The following KCNK3 variants were observed in gnomAD, a reference collection of about 807,000 sequenced individuals.
The protein encoded by KCNK3 is potassium two pore domain channel subfamily K member 3.
Under a neutral mutation model 27.3 loss-of-function variants are expected in KCNK3, and 9 were observed. The observed-to-expected ratio is 0.33, with a 90% confidence interval of 0.20 to 0.57. The LOEUF is 0.57. Among genes scored for constraint, KCNK3 ranks in the 20% least tolerant of loss-of-function variants. The probability of loss-of-function intolerance (pLI) is 0.87; values close to 1 mark genes in which losing one functional copy is unlikely to be tolerated. For synonymous variants in KCNK3, 278 were observed against 273.8 expected (o/e 1.02, Z -0.15); for missense variants, 391 against 577.7 (o/e 0.68, Z 3.31).
chr2:26,706,738 T>A (rs558573563), intron 1 of KCNK3, among the ~76,000 whole-genome samples: 1 of 152,150 alleles, frequency 6.6e-6, no homozygotes, highest in Non-Finnish European at 1.5e-5. Flanking sequence ...TGCTGTCCCC[T>A]GCCTGCTTCC....
At position 26,693,225 on chromosome 2, in the gene KCNK3, GC is replaced by G. The variant is rs1670192414; in HGVS notation, c.283+69del. ...CGCGGGGCTCCGGGAGTCGTCCGGG[GC>G]CGGCTGGGGCTGGGGGCGGGGGCTC... is the stretch of plus-strand genomic sequence containing the variant. On this transcript the variant is annotated intron_variant, in intron 1 of 1. Transcript: ENST00000302909. This position sits in a 1 kb window ranked among gnomAD's most constrained non-coding sequence, Gnocchi z 5.5. 9.8e-7 allele frequency: 1 copy of G among 1,021,522 alleles called. No homozygotes were observed. The highest frequency in any genetic ancestry group is 1.7e-5 in the African/African-American group (1 of 57,916). The allele number at this position is 1,021,522 out of a possible 1,614,324, so 63.3% of individuals were successfully genotyped here.
At chr2:26,706,910 G>T (rs1011425827) in intron 1 of KCNK3, among the ~76,000 whole-genome samples, 1 of 152,138 alleles carries the variant, frequency 6.6e-6, no homozygotes, top group Non-Finnish European at 1.5e-5. Context: ...CCCTGGCCTT[G>T]TCTGTGAGGG....
intron 1 of KCNK3, among the ~76,000 whole-genome samples, chr2:26,726,798 TA>T (rs1427294716): frequency 6.6e-6 from 1 of 151,336 alleles, no homozygotes; most frequent in Non-Finnish European, 1.5e-5. Flanking sequence ...GGGGGCGGGG[TA>T]CAGAGAGATT....
At chr2:26,719,981 G>A (rs1663298609) in intron 1 of KCNK3, among the ~76,000 whole-genome samples, 1 of 152,232 alleles carries the variant, frequency 6.6e-6, no homozygotes, top group Non-Finnish European at 1.5e-5. Context: ...ATGAGTGGGG[G>A]GAAGGGCACC....
At chr2:26,724,324 G>A (rs1464358311) in intron 1 of KCNK3, among the ~76,000 whole-genome samples, 1 of 152,236 alleles carries the variant, frequency 6.6e-6, no homozygotes. Context: ...AGCAACGCCT[G>A]AGGCTGATGC....
chr2:26,702,745 T>C (rs951220513), intron 1 of KCNK3, among the ~76,000 whole-genome samples: 16 of 152,136 alleles, frequency 1.1e-4, no homozygotes, highest in Admixed American at 1.3e-4. Flanking sequence ...TATTAAGAGA[T>C]GTGTTGCAAG....
rs568293974 is a variant in KCNK3, at chr2:26,723,849, C to A, written c.284-3818C>A. 2.6e-5 allele frequency among the ~76,000 whole-genome samples: 4 copies of A among 152,302 alleles called. No homozygotes were observed. In the East Asian group the frequency reaches 5.8e-4, roughly 22 times the overall value. On this transcript the variant is annotated intron_variant, in intron 1 of 1. Transcript: ENST00000302909. Reference sequence around the variant, plus strand: ...CTGAGAGGCAGTGGCCAGAGTCTCCCGGTCAGAACATCTGCTCTGGTTGAT... The same window carrying A: ...CTGAGAGGCAGTGGCCAGAGTCTCCAGGTCAGAACATCTGCTCTGGTTGAT...
Position 26,721,036 on chromosome 2 carries a change from G to A in KCNK3, c.284-6631G>A, listed in dbSNP as rs565587407. On this transcript the variant is annotated intron_variant, in intron 1 of 1. Transcript: ENST00000302909. This position sits in a 1 kb window ranked among gnomAD's most constrained non-coding sequence, Gnocchi z 4.3. ...TGAAGGCAGGAGCTATGAGTCACCCGAGGCCCTCCTGCCAAGGGCCACCTC... is the reference window on the plus strand; with the variant it reads ...TGAAGGCAGGAGCTATGAGTCACCCAAGGCCCTCCTGCCAAGGGCCACCTC... 2.0e-5 allele frequency among the ~76,000 whole-genome samples: 3 copies of A among 152,106 alleles called. No individual in the cohort carries two copies. The highest frequency in any genetic ancestry group is 4.8e-5 in the African/African-American group (2 of 41,424).
Position 26,728,454 on chromosome 2 carries a change from C to T in KCNK3, c.1071C>T (p.Pro357=), listed in dbSNP as rs1663472765. ...GGGGCGGCCGCTACAGCGACACGCC[C>T]TCGCGACGCTGCCTGTGCAGCGGGG... ...PGGGGRYSDT[P]SRRCLCSGAP... The change falls in exon 2 of 2, where the codon CCC becomes CCT. Residue 357 remains proline (P), a synonymous_variant. Coordinates refer to ENST00000302909, the MANE Select transcript of KCNK3 (RefSeq NM_002246.3). 1 of 1,576,244 alleles carries T rather than the reference C, an allele frequency of 6.3e-7. No homozygotes were observed. The highest frequency in any genetic ancestry group is 8.6e-7 in the Non-Finnish European group (1 of 1,158,176).
chr2:26,719,789 T>C (rs567149455), intron 1 of KCNK3, among the ~76,000 whole-genome samples: 1 of 152,322 alleles, frequency 6.6e-6, no homozygotes, highest in South Asian at 2.1e-4. Context: ...ACAGAAGTGT[T>C]TCACCAGCCC....
chr2:26,700,521 G>T (rs1023875767), intron 1 of KCNK3, among the ~76,000 whole-genome samples: 1 of 152,180 alleles, frequency 6.6e-6, no homozygotes, highest in African/African-American at 2.4e-5. Flanking sequence ...GGCCTCTCTG[G>T]CTGGGCCTGA....
chr2:26,703,563 C>T lies in KCNK3; in HGVS notation c.283+10405C>T, dbSNP rs184890889. Among the ~76,000 whole-genome samples the T allele has an allele frequency of 3.3e-5, 5 of 152,312 alleles. No homozygotes were observed. The East Asian group carries it at 9.7e-4, about 29-fold the overall frequency. ...CTTGGGGCCCTGAGGCCCTCTGGGT[C>T]CCCTTCCAAATTGAATTGGCTTCAG... is the stretch of plus-strand genomic sequence containing the variant. On this transcript the variant is annotated intron_variant, in intron 1 of 1. Transcript: ENST00000302909.
Position 26,692,724 on chromosome 2 carries a change from C to T in KCNK3, c.-152C>T. On this transcript the variant is annotated 5_prime_UTR_variant, in exon 1 of 2. Transcript: ENST00000302909. This position sits in a 1 kb window ranked among gnomAD's most constrained non-coding sequence, Gnocchi z 5.6. ...AGGGACAGCTCCGCGGCGGCGGCGG[C>T]GGCGGCGGCCCCGGGCGCTGAGCGG... 2 of 244,982 alleles carry T rather than the reference C, an allele frequency of 8.2e-6. No individual in the cohort carries two copies. Among genetic ancestry groups the T allele is most frequent in the Non-Finnish European group, 1.3e-5 (2 of 154,978 alleles). The allele number at this position is 244,982 out of a possible 1,614,324, so 15.2% of individuals were successfully genotyped here.
intron 1 of KCNK3, among the ~76,000 whole-genome samples, chr2:26,709,985 C>G (rs1291324737): frequency 6.6e-6 from 1 of 152,280 alleles, no homozygotes; most frequent in Non-Finnish European, 1.5e-5. Flanking sequence ...TTTCTGTCAG[C>G]TTCCAGCCGT....
At chr2:26,724,210 G>C (rs1478934263) in intron 1 of KCNK3, among the ~76,000 whole-genome samples, 2 of 152,228 alleles carry the variant, frequency 1.3e-5, no homozygotes, top group Non-Finnish European at 2.9e-5. Context: ...AGTGACAATG[G>C]GACAGGCAAT....
chr2:26,721,032 AC>A lies in KCNK3; in HGVS notation c.284-6632del, dbSNP rs1479038321. On this transcript the variant is annotated intron_variant, in intron 1 of 1. Transcript: ENST00000302909. This position sits in a 1 kb window ranked among gnomAD's most constrained non-coding sequence, Gnocchi z 4.3. Reference sequence around the variant, plus strand: ...ACAGTGAAGGCAGGAGCTATGAGTCACCCGAGGCCCTCCTGCCAAGGGCCAC... The same window carrying A: ...ACAGTGAAGGCAGGAGCTATGAGTCACCGAGGCCCTCCTGCCAAGGGCCAC... Among the ~76,000 whole-genome samples the A allele has an allele frequency of 6.6e-6, 1 of 152,078 alleles. No homozygotes were observed. Among genetic ancestry groups the A allele is most frequent in the Non-Finnish European group, 1.5e-5 (1 of 67,988 alleles).
intron 1 of KCNK3, among the ~76,000 whole-genome samples, chr2:26,711,445 A>G (rs114074972): frequency 2.5e-3 from 379 of 151,882 alleles, no homozygotes; most frequent in African/African-American, 8.6e-3. Context: ...GGAAGTCTCC[A>G]CTCCAATTTC....
intron 1 of KCNK3, among the ~76,000 whole-genome samples, chr2:26,715,733 G>T (rs905990276): frequency 4.6e-5 from 7 of 152,312 alleles, no homozygotes; most frequent in African/African-American, 1.7e-4. Context: ...AGCTCTGCCT[G>T]CCCCTCCGCT....
chr2:26,699,185 A>G (rs2148254942), intron 1 of KCNK3, among the ~76,000 whole-genome samples: 1 of 125,628 alleles, frequency 8.0e-6, no homozygotes, highest in Admixed American at 7.7e-5. Context: ...CTCAGAAAAA[A>G]AAAAAAAAGG....
Sources: gnomAD v4.1 joint callset for allele counts (sites outside exome capture counted in the v4.1 genomes callset) on GRCh38, gnomAD v4.1.1 for gene constraint, Gnocchi (gnomAD v3.1) non-coding constraint, MANE v1.5 for transcripts, NCBI Gene and HGNC (gene_info 2026-07-23, HGNC 2026-07-21) for gene names.